The following CDS1 variants were observed in gnomAD, a reference collection of about 807,000 sequenced individuals.
The protein encoded by CDS1 is phosphatidate cytidylyltransferase 1.
CDS1 carries 41 observed loss-of-function variants against 62.1 expected under a neutral mutation model. The observed-to-expected ratio is 0.66, with a 90% CI of 0.51 to 0.86. The LOEUF (loss-of-function observed/expected upper bound fraction) is 0.86. Among genes scored for constraint, CDS1 ranks in the 40% least tolerant of loss-of-function variants. CDS1 has a pLI of 0.00. For synonymous variants in CDS1, 185 were observed against 192.6 expected (o/e 0.96, Z 0.32); for missense variants, 470 against 550.1 (o/e 0.85, Z 1.46).
At chr4:84,586,329 A>C (rs930814602) in intron 1 of CDS1, among the ~76,000 whole-genome samples, 1 of 152,198 alleles carries the variant, frequency 6.6e-6, no homozygotes, top group African/African-American at 2.4e-5. Context: ...ATAATTATAC[A>C]ACTCACCATA....
chr4:84,631,707 T>C (rs1724024391), intron 5 of CDS1, 112 bp from the exon 6 acceptor site: 1 of 783,008 alleles, frequency 1.3e-6, no homozygotes, highest in Admixed American at 1.9e-5. Context: ...TCTGAGTAAG[T>C]AGCTAAAATA....
At chr4:84,640,063 AC>A (rs985298079) in intron 9 of CDS1, among the ~76,000 whole-genome samples, 2 of 149,768 alleles carry the variant, frequency 1.3e-5, no homozygotes, top group African/African-American at 2.4e-5. Flanking sequence ...AGTAGGAGCT[AC>A]CCCATAAGCA....
intron 1 of CDS1, among the ~76,000 whole-genome samples, chr4:84,595,613 G>A (rs890258377): frequency 2.6e-5 from 4 of 152,158 alleles, no homozygotes; most frequent in African/African-American, 4.8e-5. Flanking sequence ...GGGGCCAACC[G>A]TACTTGTTTC....
At chr4:84,626,448 A>G (rs1723864417) in intron 5 of CDS1, among the ~76,000 whole-genome samples, 1 of 152,104 alleles carries the variant, frequency 6.6e-6, no homozygotes, top group African/African-American at 2.4e-5. Flanking sequence ...AGTCACACAA[A>G]TGTACTTTTT....
intron 1 of CDS1, among the ~76,000 whole-genome samples, chr4:84,599,318 C>T (rs1172891462): frequency 6.6e-6 from 1 of 150,782 alleles, no homozygotes; most frequent in Non-Finnish European, 1.5e-5. Flanking sequence ...TGGAAAATTG[C>T]ACTTCATTGT....
At chr4:84,627,831 G>GT (rs1331234420) in intron 5 of CDS1, among the ~76,000 whole-genome samples, 1 of 152,072 alleles carries the variant, frequency 6.6e-6, no homozygotes, top group Non-Finnish European at 1.5e-5. Flanking sequence ...TTAGAAAAGT[G>GT]TCACAAATAA....
chr4:84,617,386 T>G (rs1723530355), intron 3 of CDS1, among the ~76,000 whole-genome samples, 178 bp from the exon 4 acceptor site: 1 of 152,230 alleles, frequency 6.6e-6, no homozygotes, highest in Non-Finnish European at 1.5e-5. Flanking sequence ...TGCCTACCCC[T>G]TTGAGTTATC....
intron 5 of CDS1, among the ~76,000 whole-genome samples, chr4:84,622,595 A>G (rs1336063653): frequency 2.0e-5 from 3 of 151,854 alleles, no homozygotes; most frequent in Non-Finnish European, 4.4e-5. Context: ...TCCATCTCAA[A>G]ATAATAATAA....
At chr4:84,618,583 CA>C (rs1462264434) in intron 4 of CDS1, among the ~76,000 whole-genome samples, 1 of 152,158 alleles carries the variant, frequency 6.6e-6, no homozygotes, top group African/African-American at 2.4e-5. Flanking sequence ...TAGCACCCAT[CA>C]GTTTCTAGAT....
At chr4:84,620,115 T>TA (rs747699952) in intron 5 of CDS1, among the ~76,000 whole-genome samples, 39 of 151,652 alleles carry the variant, frequency 2.6e-4, no homozygotes, top group Admixed American at 5.9e-4. Flanking sequence ...AAATAAAAAT[T>TA]ATTAACCAAA....
At chr4:84,631,228 C>G (rs1390908718) in intron 5 of CDS1, among the ~76,000 whole-genome samples, 1 of 152,112 alleles carries the variant, frequency 6.6e-6, no homozygotes, top group Non-Finnish European at 1.5e-5. Flanking sequence ...TTTTCTAGCC[C>G]TGTGATCCTC....
chr4:84,609,479 T>C lies in CDS1; in HGVS notation c.296T>C (p.Leu99Ser). ...ATTCTCACTCTAACTATGATCTCGTTGTTTTTCCTGATCATCTATATGGGA... is the reference window on the plus strand; with the variant it reads ...ATTCTCACTCTAACTATGATCTCGTCGTTTTTCCTGATCATCTATATGGGA... ...RGILTLTMISLFFLIIYMGSF... is the reference protein window; with the variant it reads ...RGILTLTMISSFFLIIYMGSF... The change falls in exon 3 of 13, where the codon TTG (leucine) becomes TCG (serine). Residue 99 changes from leucine to serine, a missense_variant. Coordinates refer to ENST00000295887, the MANE Select transcript of CDS1 (RefSeq NM_001263.4). 2 of 1,612,110 alleles carry C rather than the reference T, an allele frequency of 1.2e-6. No homozygotes were observed. Among genetic ancestry groups the C allele is most frequent in the South Asian group, 2.2e-5 (2 of 90,942 alleles).
chr4:84,583,135 T>C lies in CDS1; in HGVS notation c.-267T>C, dbSNP rs998314433. The C allele has an allele frequency of 9.8e-6, 4 of 407,610 alleles. No individual in the cohort carries two copies. The highest frequency in any genetic ancestry group is 9.6e-5 in the Admixed American group (2 of 20,898). 25.2% of individuals were successfully genotyped at this position (407,610 alleles called of 1,614,324 possible). A position where few individuals can be genotyped will look rare whatever the true frequency, so the allele number is the denominator to read the frequency against. ...CCGGAGGCCGCGTCTCCGCCTTCTC[T>C]GCTCGCGCCTGGCGCCCGGAGCCTG... is the stretch of plus-strand genomic sequence containing the variant. On this transcript the variant is annotated 5_prime_UTR_variant, in exon 1 of 13. Coordinates refer to ENST00000295887, the MANE Select transcript of CDS1 (RefSeq NM_001263.4).
intron 2 of CDS1, 89 bp from the exon 3 acceptor site, chr4:84,609,340 G>A: frequency 2.5e-6 from 2 of 806,610 alleles, no homozygotes; most frequent in Admixed American, 4.4e-5. Context: ...TATAGTTAAG[G>A]AAAATTCATA....
At chr4:84,616,247 TC>T (rs1205170700) in intron 3 of CDS1, among the ~76,000 whole-genome samples, 1 of 152,236 alleles carries the variant, frequency 6.6e-6, no homozygotes, top group East Asian at 1.9e-4. Context: ...TTTCCTCCTG[TC>T]TTTATAACAC....
At chr4:84,643,726 T>C (rs1724466773) in intron 11 of CDS1, among the ~76,000 whole-genome samples, 1 of 152,198 alleles carries the variant, frequency 6.6e-6, no homozygotes, top group African/African-American at 2.4e-5. Context: ...TAAAAATAGG[T>C]TGTGGCCTGG....
intron 6 of CDS1, among the ~76,000 whole-genome samples, chr4:84,632,195 A>G (rs1056566807): frequency 3.3e-5 from 5 of 152,114 alleles, no homozygotes; most frequent in African/African-American, 7.2e-5. Context: ...GACAGTTACT[A>G]TGTCTGAGAA....
At chr4:84,595,274 G>A (rs1722713668) in intron 1 of CDS1, among the ~76,000 whole-genome samples, 1 of 152,152 alleles carries the variant, frequency 6.6e-6, no homozygotes, top group Non-Finnish European at 1.5e-5. Context: ...ACTGAGGCAT[G>A]TCCAACCTCC....
rs1723908707 is a variant in CDS1 at position 84,627,940 on chromosome 4, A to G, written c.581-3879A>G. ...AGTATTGGTTCTAAACCTTAGACTA[A>G]CCATTCAGATTAATAGAAAACTTTT... is the stretch of plus-strand genomic sequence containing the variant. On this transcript the variant is annotated intron_variant, in intron 5 of 12. Coordinates refer to ENST00000295887, the MANE Select transcript of CDS1 (RefSeq NM_001263.4). Among the ~76,000 whole-genome samples, 3 of 152,294 alleles carry G rather than the reference A, an allele frequency of 2.0e-5. No individual in the cohort carries two copies. The South Asian group carries it at 6.2e-4, about 32-fold the overall frequency.
Sources: allele counts gnomAD v4.1 joint callset (sites outside exome capture counted in the v4.1 genomes callset), GRCh38; gene constraint gnomAD v4.1.1; transcripts MANE v1.5; gene names NCBI Gene and HGNC (gene_info 2026-07-23, HGNC 2026-07-21).